Variants in DIP2C observed in about 807,000 individuals in gnomAD.
DIP2C encodes DIP2 acetate--CoA ligase C (putative).
In DIP2C, 33 loss-of-function variants were observed where a neutral mutation model predicts 192.4. The ratio of observed to expected loss-of-function variants is 0.17; its 90% CI spans 0.13 to 0.23. The LOEUF is 0.23. Among genes scored for constraint, DIP2C ranks in the 10% least tolerant of loss-of-function variants. The pLI, the probability that DIP2C is intolerant of heterozygous loss-of-function variation, is 1.00. For missense variants in DIP2C, 1,537 were observed against 2,110.1 expected (o/e 0.73, Z 5.32); for synonymous variants, 979 against 864.1 (o/e 1.13, Z -2.33).
intron 32 of DIP2C, among the ~76,000 whole-genome samples, chr10:297,241 TACACACACAC>T (rs140637166): frequency 5.4e-4 from 62 of 115,624 alleles, no homozygotes; most frequent in African/African-American, 1.3e-3. Context: ...CCCCACCACA[TACACACACAC>T]ACACACACAC....
intron 29 of DIP2C, among the ~76,000 whole-genome samples, chr10:339,058 C>T (rs569822125): frequency 5.1e-4 from 78 of 152,176 alleles, no homozygotes; most frequent in African/African-American, 1.8e-3. Context: ...AGACACACTC[C>T]CCACCCTGCT....
chr10:290,548 C>T (rs1196072155), intron 32 of DIP2C, among the ~76,000 whole-genome samples: 1 of 152,208 alleles, frequency 6.6e-6, no homozygotes, highest in Non-Finnish European at 1.5e-5. Flanking sequence ...CTCCTTCCTC[C>T]GTGCCAGGAG....
intron 1 of DIP2C, among the ~76,000 whole-genome samples, chr10:645,966 G>T (rs1255839513): frequency 6.6e-6 from 1 of 152,144 alleles, no homozygotes; most frequent in African/African-American, 2.4e-5. Flanking sequence ...GAAGCATATT[G>T]TATCATTACT....
intron 10 of DIP2C, among the ~76,000 whole-genome samples, chr10:394,031 A>AC (rs1963732349): frequency 6.6e-6 from 1 of 152,212 alleles, no homozygotes; most frequent in Non-Finnish European, 1.5e-5. Context: ...ATATAGAACT[A>AC]CCATATGATC....
At chr10:377,053 G>A (rs922857068) in intron 17 of DIP2C, among the ~76,000 whole-genome samples, 1 of 151,660 alleles carries the variant, frequency 6.6e-6, no homozygotes, top group African/African-American at 2.4e-5. Context: ...AGCAATGCAT[G>A]CCCACTAAAA....
chr10:362,722 A>G (rs368188953), intron 21 of DIP2C, 31 bp from the exon 22 acceptor site: 8 of 1,578,802 alleles, frequency 5.1e-6, no homozygotes, highest in South Asian at 4.7e-5. Flanking sequence ...AAATCATGTT[A>G]TAAGAGGAAG....
intron 24 of DIP2C, among the ~76,000 whole-genome samples, chr10:351,749 CTGTT>C (rs1396830485): frequency 1.3e-5 from 2 of 152,192 alleles, no homozygotes; most frequent in Admixed American, 6.5e-5. Flanking sequence ...TGAAACTGGA[CTGTT>C]CCTCTGAGCA....
Position 326,998 on chromosome 10 carries a change from A to G in DIP2C, c.3924+8T>C. 1 of 1,609,714 alleles carries G rather than the reference A, an allele frequency of 6.2e-7. No homozygotes were observed. The highest frequency in any genetic ancestry group is 1.1e-5 in the South Asian group (1 of 90,166). On this transcript the variant is annotated splice_region_variant and intron_variant, in intron 31 of 36. Coordinates refer to ENST00000280886, the MANE Select transcript of DIP2C (RefSeq NM_014974.3). ...CCCACTCAGCACTGTGATGTCGCCG[A>G]ATCTCACCTGCAAGCAAATCGCCAG...
At chr10:460,490 A>G (rs1969684014) in intron 3 of DIP2C, among the ~76,000 whole-genome samples, 1 of 152,214 alleles carries the variant, frequency 6.6e-6, no homozygotes, top group Non-Finnish European at 1.5e-5. Flanking sequence ...AAATGAAATG[A>G]GAAAATACAT....
At chr10:350,339 G>A (rs550244007) in intron 24 of DIP2C, among the ~76,000 whole-genome samples, 10 of 152,104 alleles carry the variant, frequency 6.6e-5, no homozygotes, top group African/African-American at 2.4e-4. Context: ...TTCCCATCTT[G>A]GCCTATTTAA....
At chr10:528,872 C>CT (rs1847214669) in intron 1 of DIP2C, among the ~76,000 whole-genome samples, 1 of 152,180 alleles carries the variant, frequency 6.6e-6, no homozygotes, top group African/African-American at 2.4e-5. Context: ...AGCAGCTCTC[C>CT]TCTCACTGTG....
chr10:519,389 C>T lies in DIP2C; in HGVS notation c.86-32859G>A, dbSNP rs148958685. On this transcript the variant is annotated intron_variant, in intron 1 of 36. Transcript: ENST00000280886. ...CCCAAAGCCTGCACTGCTGAGTTTTCGAGGTTTCTGAACTCATTCAATCGC... is the reference window on the plus strand; with the variant it reads ...CCCAAAGCCTGCACTGCTGAGTTTTTGAGGTTTCTGAACTCATTCAATCGC... 9.2e-5 allele frequency among the ~76,000 whole-genome samples: 14 copies of T among 152,332 alleles called. No homozygotes were observed. In the East Asian group the frequency reaches 2.7e-3, roughly 29 times the overall value.
At chr10:634,715 C>A (rs1854733357) in intron 1 of DIP2C, among the ~76,000 whole-genome samples, 2 of 151,662 alleles carry the variant, frequency 1.3e-5, no homozygotes, top group South Asian at 4.2e-4. Context: ...TGCACCATTG[C>A]ACTCCAGCCT....
chr10:605,756 A>G (rs1243385633), intron 1 of DIP2C, among the ~76,000 whole-genome samples: 1 of 152,240 alleles, frequency 6.6e-6, no homozygotes, highest in African/African-American at 2.4e-5. Context: ...TAATTATGCA[A>G]TAAAAATGCC....
At chr10:326,689 G>A (rs1027629533) in intron 31 of DIP2C, among the ~76,000 whole-genome samples, 4 of 152,198 alleles carry the variant, frequency 2.6e-5, no homozygotes, top group African/African-American at 2.4e-5. Context: ...TCGAGGGACT[G>A]GTTTCTTCAT....
At position 429,869 on chromosome 10, in the gene DIP2C, C is replaced by T. The variant is rs536610845; in HGVS notation, c.395-6836G>A. The stretch of plus-strand genomic sequence containing the variant: ...TCTATGTGTAGGCTTTGTATGTAGA[C>T]GTAAGTTTTCAACTCCTTTGAGCAA... On this transcript the variant is annotated intron_variant, in intron 4 of 36. Transcript: ENST00000280886. Among the ~76,000 whole-genome samples the T allele has an allele frequency of 9.9e-5, 15 of 152,148 alleles. No individual in the cohort carries two copies. In the South Asian group the frequency reaches 1.9e-3, roughly 19 times the overall value.
At chr10:340,606 A>C (rs1326228254) in intron 29 of DIP2C, 1 of 360,080 alleles carries the variant, frequency 2.8e-6, no homozygotes, top group East Asian at 7.5e-5. Flanking sequence ...TATAATTTCT[A>C]CAATGAACAT....
chr10:426,385 T>C (rs939253635), intron 4 of DIP2C, among the ~76,000 whole-genome samples: 28 of 152,200 alleles, frequency 1.8e-4, no homozygotes, highest in South Asian at 2.1e-4. Flanking sequence ...AGATTCATGA[T>C]TGTGAATTGG....
At chr10:616,016 T>TCA (rs1474421528) in intron 1 of DIP2C, among the ~76,000 whole-genome samples, 1 of 152,192 alleles carries the variant, frequency 6.6e-6, no homozygotes, top group Admixed American at 6.5e-5. Flanking sequence ...TCCACATTTA[T>TCA]CACCCTTTTG....
Sources: allele counts gnomAD v4.1 joint callset (sites outside exome capture counted in the v4.1 genomes callset), GRCh38; gene constraint gnomAD v4.1.1; transcripts MANE v1.5; gene names NCBI Gene and HGNC (gene_info 2026-07-23, HGNC 2026-07-21).